Variants in MICAL3 observed in about 807,000 individuals in gnomAD.
MICAL3 encodes [F-actin]-monooxygenase MICAL3.
Under a neutral mutation model 207.4 loss-of-function variants are expected in MICAL3, and 62 were observed. The observed-to-expected ratio is 0.30, with a 90% confidence interval of 0.24 to 0.37. The LOEUF (loss-of-function observed/expected upper bound fraction) is 0.37, where lower values mean the gene tolerates loss of function less well. Among genes scored for constraint, MICAL3 ranks in the 10% least tolerant of loss-of-function variants. MICAL3 has a pLI of 1.00. For missense variants in MICAL3, 2,368 were observed against 2,635.6 expected, an observed-to-expected ratio of 0.90 and a Z score of 2.22; for synonymous variants, 1,077 against 1,069.3, an observed-to-expected ratio of 1.01 and a Z score of -0.14.
At chr22:17,823,621 A>C (rs955254174) in intron 22 of MICAL3, among the ~76,000 whole-genome samples, 2 of 152,156 alleles carry the variant, frequency 1.3e-5, no homozygotes, top group East Asian at 3.8e-4. Context: ...TTCATGCATA[A>C]AATTATTAAA....
chr22:17,819,033 C>A lies in MICAL3; in HGVS notation c.3628G>T (p.Ala1210Ser). Residue 1210 changes from alanine (A) to serine (S), a missense_variant, in exon 26 of 32, where the codon GCT (alanine) becomes TCT (serine). Coordinates refer to ENST00000441493, the MANE Select transcript of MICAL3 (RefSeq NM_015241.3). ...EPLLPKEKPK[A>S]DAPSDLKAVH... ...GCTTTCAGATCCGAGGGGGCATCAG[C>A]TTTGGGCTTCTCTTTGGGGAGCAAA... The A allele has an allele frequency of 6.2e-7, 1 of 1,600,102 alleles. No individual in the cohort carries two copies. Among genetic ancestry groups the A allele is most frequent in the East Asian group, 2.2e-5 (1 of 44,722 alleles).
Position 17,903,010 on chromosome 22 carries a change from T to A in MICAL3, c.473-263A>T, listed in dbSNP as rs188992011. Among the ~76,000 whole-genome samples, 55 of 152,256 alleles carry A rather than the reference T, an allele frequency of 3.6e-4. 1 individual carries two copies. Among genetic ancestry groups the A allele is most frequent in the Admixed American group, 6.5e-4 (10 of 15,296 alleles). Reference sequence around the variant, plus strand: ...TTCAGTGTTTTAAACAATCAAAAGCTCGGAGACAACATGGGACTGTGGCCT... The same window carrying A: ...TTCAGTGTTTTAAACAATCAAAAGCACGGAGACAACATGGGACTGTGGCCT... On this transcript the variant is annotated intron_variant, in intron 3 of 31. Coordinates refer to ENST00000441493, the MANE Select transcript of MICAL3 (RefSeq NM_015241.3).
At chr22:17,901,838 C>T (rs1288468900) in intron 5 of MICAL3, 40 bp downstream of exon 5, 4 of 1,485,728 alleles carry the variant, frequency 2.7e-6, no homozygotes, top group East Asian at 2.3e-5. Flanking sequence ...CATCAGCTTT[C>T]CCTCTGCTAT....
intron 1 of MICAL3, among the ~76,000 whole-genome samples, chr22:17,942,950 C>G (rs1002169244): frequency 1.3e-5 from 2 of 152,240 alleles, no homozygotes; most frequent in Non-Finnish European, 2.9e-5. Context: ...TCAGGCCCTT[C>G]AGAACACAGG....
At chr22:17,896,206 A>G (rs754629465) in intron 9 of MICAL3, 40 bp downstream of exon 9, 2 of 1,178,852 alleles carry the variant, frequency 1.7e-6, no homozygotes, top group South Asian at 1.3e-5. Context: ...CCTTCTTCCC[A>G]GTTTTCTCAT....
chr22:18,010,985 C>T (rs932720958), intron 1 of MICAL3, among the ~76,000 whole-genome samples: 1 of 152,042 alleles, frequency 6.6e-6, no homozygotes, highest in Admixed American at 6.6e-5. Flanking sequence ...AAAAGAAAAG[C>T]GATTGAGAAG....
chr22:17,961,711 G>A (rs1163703948), intron 1 of MICAL3, among the ~76,000 whole-genome samples: 2 of 152,168 alleles, frequency 1.3e-5, no homozygotes, highest in Admixed American at 1.3e-4. Context: ...GTGTGGGTGG[G>A]AGAACAAGGC....
chr22:17,911,984 T>C (rs979082935), intron 1 of MICAL3, among the ~76,000 whole-genome samples: 2 of 141,216 alleles, frequency 1.4e-5, no homozygotes, highest in African/African-American at 5.9e-5. Context: ...AAGCCTGTCC[T>C]TTCCGTACTG....
At chr22:17,974,023 T>C (rs1007904254) in intron 1 of MICAL3, among the ~76,000 whole-genome samples, 3 of 152,180 alleles carry the variant, frequency 2.0e-5, no homozygotes, top group Non-Finnish European at 4.4e-5. Context: ...CACCCAAAAA[T>C]GGTTTATATC....
intron 1 of MICAL3, among the ~76,000 whole-genome samples, chr22:17,982,657 T>C (rs965295262): frequency 3.9e-5 from 5 of 128,280 alleles, no homozygotes; most frequent in African/African-American, 1.5e-4. Context: ...GGCGACAGAG[T>C]AAGACTTCAT....
At chr22:17,932,224 G>C (rs759417350) in intron 1 of MICAL3, among the ~76,000 whole-genome samples, 1 of 152,196 alleles carries the variant, frequency 6.6e-6, no homozygotes, top group Non-Finnish European at 1.5e-5. Flanking sequence ...AGGGCAGCCA[G>C]AGAGAAAGGT....
In MICAL3 at chr22:17,959,102, G is replaced by A. The variant is rs1283481052; in HGVS notation, c.-74-52216C>T. Among the ~76,000 whole-genome samples, 3 of 131,404 alleles carry A rather than the reference G, an allele frequency of 2.3e-5. No individual in the cohort carries two copies. In the South Asian group the frequency reaches 8.0e-4, roughly 35 times the overall value. The allele number at this position is 131,404 out of a possible 152,430, so 86.2% of individuals were successfully genotyped here. ...GCAATCTCGGCTCACTACAAGCTCC[G>A]CCTCCCGGGTTCACGCCATTCTCCT... is the stretch of plus-strand genomic sequence containing the variant. On this transcript the variant is annotated intron_variant, in intron 1 of 31. Transcript: ENST00000441493.
intron 17 of MICAL3, among the ~76,000 whole-genome samples, chr22:17,871,358 G>A (rs1482686049): frequency 2.0e-5 from 3 of 152,188 alleles, no homozygotes; most frequent in Non-Finnish European, 4.4e-5. Context: ...TCAGACAGAT[G>A]CCAGAGAGGT....
intron 1 of MICAL3, among the ~76,000 whole-genome samples, chr22:17,948,639 A>G (rs776066372): frequency 3.9e-5 from 6 of 152,190 alleles, no homozygotes; most frequent in Non-Finnish European, 7.3e-5. Flanking sequence ...AAGATTTCTC[A>G]TACCTGCAGT....
intron 17 of MICAL3, 33 bp downstream of exon 17, chr22:17,871,804 T>C: frequency 6.4e-7 from 1 of 1,562,342 alleles, no homozygotes; most frequent in South Asian, 1.2e-5. Context: ...AAGCACAGTT[T>C]CTCAGTGGGG....
chr22:17,904,765 A>C lies in MICAL3; in HGVS notation c.339T>G (p.Val113=), dbSNP rs567141599. ...IDLSLLGAKV[V]VIEKRDAFSR... is the part of the protein sequence containing the mutation. ...AGAAGGCATCTCGTTTCTCAATAAC[A>C]ACCACCTTGGCCCCCAGTAAGGATA... Residue 113 remains valine (V), a synonymous_variant, in exon 3 of 32, where the codon GTT becomes GTG. Coordinates refer to ENST00000441493, the MANE Select transcript of MICAL3 (RefSeq NM_015241.3). 14 of 1,614,022 alleles carry C rather than the reference A, an allele frequency of 8.7e-6. No individual in the cohort carries two copies. Among genetic ancestry groups the C allele is most frequent in the African/African-American group, 4.0e-5 (3 of 75,066 alleles).
chr22:17,797,402 G>A (rs897753167), intron 29 of MICAL3, among the ~76,000 whole-genome samples: 1 of 152,162 alleles, frequency 6.6e-6, no homozygotes, highest in African/African-American at 2.4e-5. Context: ...GCTACGGTGG[G>A]AGGGCTGCTT....
intron 20 of MICAL3, among the ~76,000 whole-genome samples, chr22:17,833,487 C>A (rs529751556): frequency 6.6e-6 from 1 of 152,176 alleles, no homozygotes; most frequent in Non-Finnish European, 1.5e-5. Flanking sequence ...TGTGAGAGGG[C>A]GAACCAGTAA....
chr22:17,945,014 T>G (rs116629390), intron 1 of MICAL3, among the ~76,000 whole-genome samples: 34,041 of 150,706 alleles, frequency 0.23, 4,414 homozygotes, highest in East Asian at 0.51. Context: ...GGACCTTTTT[T>G]TTTTTTTTTT....
Sources: gnomAD v4.1 joint callset for allele counts (sites outside exome capture counted in the v4.1 genomes callset) on GRCh38, gnomAD v4.1.1 for gene constraint, MANE v1.5 for transcripts, NCBI Gene and HGNC (gene_info 2026-07-23, HGNC 2026-07-21) for gene names.